Variants in GRIK4 observed in about 807,000 individuals in gnomAD.
The protein encoded by GRIK4 is glutamate receptor ionotropic, kainate 4.
In GRIK4, 40 loss-of-function variants were observed where a neutral mutation model predicts 104.9. The observed-to-expected ratio is 0.38, with a 90% confidence interval of 0.30 to 0.50. GRIK4 has a LOEUF of 0.50. Among genes scored for constraint, GRIK4 ranks in the 20% least tolerant of loss-of-function variants. The probability of loss-of-function intolerance (pLI) is 0.93; values close to 1 mark genes in which losing one functional copy is unlikely to be tolerated. For missense variants in GRIK4, 1,047 were observed against 1,308.1 expected, an observed-to-expected ratio of 0.80 and a Z score of 3.08; for synonymous variants, 485 against 524.9, an observed-to-expected ratio of 0.92 and a Z score of 1.04.
At chr11:120,818,310 C>A (rs888582630) in intron 5 of GRIK4, among the ~76,000 whole-genome samples, 1 of 152,258 alleles carries the variant, frequency 6.6e-6, no homozygotes, top group Non-Finnish European at 1.5e-5. Flanking sequence ...GTCGGGCCTT[C>A]CCCTCTATCT....
intron 13 of GRIK4, among the ~76,000 whole-genome samples, chr11:120,933,828 C>T (rs796130807): frequency 1.3e-4 from 20 of 152,260 alleles, no homozygotes; most frequent in African/African-American, 4.8e-4. Context: ...TGGCAGTTCT[C>T]CTGACCCGTC....
At chr11:120,886,438 G>C (rs1343021776) in intron 11 of GRIK4, among the ~76,000 whole-genome samples, 2 of 152,172 alleles carry the variant, frequency 1.3e-5, no homozygotes, top group African/African-American at 4.8e-5. Flanking sequence ...TAGGTAAGCT[G>C]CATTCTGGCT....
intron 11 of GRIK4, among the ~76,000 whole-genome samples, chr11:120,877,082 A>G (rs1450289089): frequency 6.6e-6 from 1 of 152,228 alleles, no homozygotes; most frequent in East Asian, 1.9e-4. Flanking sequence ...AGTCTCAGAC[A>G]GAGAGGAGCC....
chr11:120,835,216 T>C (rs953039391), intron 7 of GRIK4, among the ~76,000 whole-genome samples: 6 of 152,196 alleles, frequency 3.9e-5, no homozygotes, highest in African/African-American at 1.2e-4. Context: ...TCAGGGAGCC[T>C]GCAAGTGTTC....
intron 1 of GRIK4, among the ~76,000 whole-genome samples, chr11:120,517,916 G>A (rs533975986): frequency 1.3e-5 from 2 of 152,306 alleles, no homozygotes; most frequent in African/African-American, 2.4e-5. Flanking sequence ...TAGCCCAGAG[G>A]AGGTTAAGTT....
chr11:120,636,934 A>G lies in GRIK4; in HGVS notation c.-158-16751A>G, dbSNP rs1055842480. Among the ~76,000 whole-genome samples the G allele has an allele frequency of 5.3e-5, 8 of 152,182 alleles. No homozygotes were observed. The East Asian group carries it at 1.3e-3, about 26-fold the overall frequency. ...TGAGAATGGGCTGGAGGCCATGGCC[A>G]TGGTCAGAGGTGTCTATGAGTTTCC... On this transcript the variant is annotated intron_variant, in intron 1 of 20. Transcript: ENST00000527524.
chr11:120,512,288 A>G (rs1469013473), intron 1 of GRIK4, among the ~76,000 whole-genome samples: 4 of 147,896 alleles, frequency 2.7e-5, no homozygotes, highest in African/African-American at 1.0e-4. Flanking sequence ...CAGGGATGAC[A>G]GCCCCTTCCC....
At chr11:120,600,428 C>G (rs996084096) in intron 1 of GRIK4, among the ~76,000 whole-genome samples, 1 of 152,204 alleles carries the variant, frequency 6.6e-6, no homozygotes, top group Non-Finnish European at 1.5e-5. Flanking sequence ...GGCAGCCTTT[C>G]AGAGGCAGTG....
chr11:120,731,664 G>A (rs1198118253), intron 3 of GRIK4, among the ~76,000 whole-genome samples: 1 of 152,132 alleles, frequency 6.6e-6, no homozygotes, highest in Non-Finnish European at 1.5e-5. Context: ...ATGTTTGGTA[G>A]AATTCAGCAG....
chr11:120,645,108 T>C (rs187342922), intron 1 of GRIK4, among the ~76,000 whole-genome samples: 14 of 149,294 alleles, frequency 9.4e-5, no homozygotes, highest in African/African-American at 3.5e-4. Context: ...ATGTGTGATA[T>C]GTATATGCAT....
At chr11:120,581,570 C>T (rs1309194554) in intron 1 of GRIK4, among the ~76,000 whole-genome samples, 1 of 152,136 alleles carries the variant, frequency 6.6e-6, no homozygotes, top group East Asian at 1.9e-4. Flanking sequence ...TCCTCATTCC[C>T]TCTTCCCCTC....
chr11:120,629,452 G>A (rs1043572217), intron 1 of GRIK4, among the ~76,000 whole-genome samples: 1 of 152,104 alleles, frequency 6.6e-6, no homozygotes, highest in Admixed American at 6.6e-5. Flanking sequence ...TCCTGCCACT[G>A]CTGGTACGAC....
chr11:120,909,985 C>T (rs1359581006), intron 13 of GRIK4, among the ~76,000 whole-genome samples: 2 of 152,182 alleles, frequency 1.3e-5, no homozygotes, highest in African/African-American at 4.8e-5. Context: ...GAGCACTCTG[C>T]CCTTAGGAAT....
At position 120,576,914 on chromosome 11, in the gene GRIK4, C is replaced by T. The variant is rs138389974; in HGVS notation, c.-159+65027C>T. ...GTCTTGCCTTAGCTCCTGCCTGAGT[C>T]GGGGTGGGGAGCTGGAAGGACTCAG... On this transcript the variant is annotated intron_variant, in intron 1 of 20. Transcript: ENST00000527524. Among the ~76,000 whole-genome samples, 8 of 152,282 alleles carry T rather than the reference C, an allele frequency of 5.3e-5. No homozygotes were observed. The East Asian group carries it at 9.7e-4, about 18-fold the overall frequency.
chr11:120,937,092 C>T (rs1442758400), intron 13 of GRIK4, among the ~76,000 whole-genome samples: 3 of 152,146 alleles, frequency 2.0e-5, no homozygotes, highest in Non-Finnish European at 2.9e-5. Flanking sequence ...GGCTGGAGTG[C>T]GGTGGCACGA....
chr11:120,847,821 T>A (rs568067102), intron 8 of GRIK4, among the ~76,000 whole-genome samples: 44 of 152,328 alleles, frequency 2.9e-4, no homozygotes, highest in African/African-American at 9.9e-4. Flanking sequence ...CAAATGCCTG[T>A]CCCAGGCTAA....
intron 1 of GRIK4, among the ~76,000 whole-genome samples, chr11:120,527,522 C>G (rs1030364689): frequency 6.6e-6 from 1 of 152,214 alleles, no homozygotes; most frequent in Admixed American, 6.5e-5. Context: ...GGAGCCCGTG[C>G]TGGGGATTTA....
At chr11:120,815,031 C>A (rs1355873457) in intron 4 of GRIK4, among the ~76,000 whole-genome samples, 1 of 152,236 alleles carries the variant, frequency 6.6e-6, no homozygotes, top group Non-Finnish European at 1.5e-5. Flanking sequence ...CCCCTGCAGG[C>A]CAGGCCAGGC....
chr11:120,667,866 G>A (rs1383149826), intron 3 of GRIK4, among the ~76,000 whole-genome samples: 1 of 152,236 alleles, frequency 6.6e-6, no homozygotes, highest in African/African-American at 2.4e-5. Context: ...GAGGCACTGT[G>A]ACTCAGTCTA....
Sources: allele counts gnomAD v4.1 joint callset (sites outside exome capture counted in the v4.1 genomes callset), GRCh38; gene constraint gnomAD v4.1.1; transcripts MANE v1.5; gene names NCBI Gene and HGNC (gene_info 2026-07-23, HGNC 2026-07-21).